The following RXFP1 variants were observed in gnomAD, a reference collection of about 807,000 sequenced individuals.
The protein encoded by RXFP1 is relaxin receptor 1.
Under a neutral mutation model 89.8 loss-of-function variants are expected in RXFP1, and 73 were observed. That is an observed-to-expected ratio of 0.81 (90% CI 0.67 to 0.99). The LOEUF (loss-of-function observed/expected upper bound fraction) is 0.99. RXFP1 is among the 50% of genes least tolerant of loss of function. The probability of loss-of-function intolerance (pLI) is 0.00; values close to 1 mark genes in which losing one functional copy is unlikely to be tolerated. For synonymous variants in RXFP1, 277 were observed against 305.5 expected, an observed-to-expected ratio of 0.91 and a Z score of 0.97; for missense variants, 793 against 895.5, an observed-to-expected ratio of 0.89 and a Z score of 1.46.
chr4:158,597,358 A>G (rs1231625750), intron 3 of RXFP1, among the ~76,000 whole-genome samples: 1 of 152,202 alleles, frequency 6.6e-6, no homozygotes, highest in Non-Finnish European at 1.5e-5. Flanking sequence ...AGGATTTGAA[A>G]AGTACAGAGA....
At chr4:158,524,891 AAGG>A (rs1461150832) in intron 1 of RXFP1, among the ~76,000 whole-genome samples, 1 of 152,188 alleles carries the variant, frequency 6.6e-6, no homozygotes. Flanking sequence ...TAGGAAATAG[AAGG>A]AGTTCAAACA....
At position 158,652,950 on chromosome 4, in the gene RXFP1, C is replaced by T. The variant is rs1405607540; in HGVS notation, c.*895C>T. 6.6e-6 allele frequency: 1 copy of T among 152,150 alleles called. No homozygotes were observed. Among genetic ancestry groups the T allele is most frequent in the Non-Finnish European group, 1.5e-5 (1 of 68,044 alleles). 9.4% of individuals were successfully genotyped at this position (152,150 alleles called of 1,614,324 possible). On this transcript the variant is annotated 3_prime_UTR_variant, in exon 18 of 18. Coordinates refer to ENST00000307765, the MANE Select transcript of RXFP1 (RefSeq NM_021634.4). ...AGACCTAAGTGGTTTAATTCACCCA[C>T]TTTAGATGGGTGAATGTTATGGTGT...
In RXFP1 at chr4:158,609,693, A is replaced by G. The variant is rs149629376; in HGVS notation, c.536+1650A>G. Reference sequence around the variant, plus strand: ...AGACTGCAGGAGACTCGAAGCCTTAACAGTAACCACTTTAGCCATGTCCTC... The same window carrying G: ...AGACTGCAGGAGACTCGAAGCCTTAGCAGTAACCACTTTAGCCATGTCCTC... On this transcript the variant is annotated intron_variant, in intron 6 of 17. Coordinates refer to ENST00000307765, the MANE Select transcript of RXFP1 (RefSeq NM_021634.4). 1.3e-4 allele frequency among the ~76,000 whole-genome samples: 20 copies of G among 152,282 alleles called. No individual in the cohort carries two copies. In the South Asian group the frequency reaches 1.7e-3, roughly 13 times the overall value.
intron 1 of RXFP1, among the ~76,000 whole-genome samples, chr4:158,531,030 C>G (rs544218773): frequency 1.3e-5 from 2 of 152,210 alleles, no homozygotes; most frequent in Admixed American, 1.3e-4. Context: ...TTCTTCAATC[C>G]CCTAGAGGCT....
chr4:158,554,391 T>C (rs1376221879), intron 1 of RXFP1, among the ~76,000 whole-genome samples: 1 of 152,180 alleles, frequency 6.6e-6, no homozygotes, highest in African/African-American at 2.4e-5. Flanking sequence ...TTGGTCCAAA[T>C]TCCCAAAGAC....
chr4:158,580,964 AT>A (rs1757238060), intron 2 of RXFP1, among the ~76,000 whole-genome samples: 1 of 152,012 alleles, frequency 6.6e-6, no homozygotes, highest in Admixed American at 6.6e-5. Context: ...CACCTGGCTA[AT>A]TTTTAATAGA....
chr4:158,558,707 A>C (rs568702337), intron 1 of RXFP1, among the ~76,000 whole-genome samples: 6 of 152,358 alleles, frequency 3.9e-5, no homozygotes, highest in Non-Finnish European at 8.8e-5. Flanking sequence ...TGAAGGCCTG[A>C]GAAATCCTGA....
At chr4:158,630,969 C>T (rs545705453) in intron 11 of RXFP1, among the ~76,000 whole-genome samples, 1 of 152,270 alleles carries the variant, frequency 6.6e-6, no homozygotes, top group East Asian at 1.9e-4. Flanking sequence ...TTAATTTGAG[C>T]TTTTAAAGTC....
intron 1 of RXFP1, among the ~76,000 whole-genome samples, chr4:158,523,683 C>T (rs1741737890): frequency 6.6e-6 from 1 of 152,142 alleles, no homozygotes; most frequent in African/African-American, 2.4e-5. Context: ...TTCCTCGCTA[C>T]ATGGTATTAA....
chr4:158,557,321 GT>G (rs776794300), intron 1 of RXFP1, among the ~76,000 whole-genome samples: 3 of 152,094 alleles, frequency 2.0e-5, no homozygotes, highest in East Asian at 1.9e-4. Flanking sequence ...AATAATTTAG[GT>G]TTGTATGTGT....
chr4:158,646,334 G>T (rs959208398), intron 15 of RXFP1: 1 of 480,174 alleles, frequency 2.1e-6, no homozygotes, highest in African/African-American at 2.0e-5. Flanking sequence ...TCTATCATAG[G>T]AACTTGTGAA....
chr4:158,620,283 C>A (rs1201897136), intron 9 of RXFP1, among the ~76,000 whole-genome samples: 1 of 151,712 alleles, frequency 6.6e-6, no homozygotes, highest in Non-Finnish European at 1.5e-5. Context: ...GAAAAAGAGA[C>A]AAAAATAAAG....
chr4:158,593,086 CA>C (rs757557258), intron 2 of RXFP1, among the ~76,000 whole-genome samples: 1,000 of 94,766 alleles, frequency 0.011, 4 homozygotes, highest in Non-Finnish European at 0.016. Flanking sequence ...GACTCTGTCT[CA>C]AAAAAAAAAA....
intron 2 of RXFP1, among the ~76,000 whole-genome samples, chr4:158,584,256 A>T (rs1346292783): frequency 6.6e-6 from 1 of 152,042 alleles, no homozygotes; most frequent in Non-Finnish European, 1.5e-5. Flanking sequence ...AACATGGTGA[A>T]ACCCCGTCTC....
rs1427537891 is a variant in RXFP1, at chr4:158,572,839, AG to A, written c.187+5del. 5.0e-6 allele frequency: 8 copies of A among 1,613,876 alleles called. No homozygotes were observed. Among genetic ancestry groups the A allele is most frequent in the Non-Finnish European group, 5.9e-6 (7 of 1,179,918 alleles). On this transcript the variant is annotated splice_donor_5th_base_variant and intron_variant, in intron 2 of 17. Coordinates refer to ENST00000307765, the MANE Select transcript of RXFP1 (RefSeq NM_021634.4). Reference sequence around the variant, plus strand: ...CAGGCCGATGAGGACAACTGTGGTGAGTGAAGCCCCTGCAGTCACGGTGAGA... The same window carrying A: ...CAGGCCGATGAGGACAACTGTGGTGATGAAGCCCCTGCAGTCACGGTGAGA...
chr4:158,618,796 T>C (rs933125399), intron 9 of RXFP1, among the ~76,000 whole-genome samples: 3 of 152,054 alleles, frequency 2.0e-5, no homozygotes, highest in African/African-American at 7.2e-5. Context: ...CTGAAACCTA[T>C]ATTAGTTCTT....
chr4:158,547,234 T>C (rs1034433723), intron 1 of RXFP1, among the ~76,000 whole-genome samples: 3 of 152,142 alleles, frequency 2.0e-5, no homozygotes, highest in Non-Finnish European at 2.9e-5. Context: ...AGTTTATTTG[T>C]GTAGAGGTGT....
chr4:158,522,246 G>A (rs532672074), intron 1 of RXFP1, among the ~76,000 whole-genome samples: 1 of 152,242 alleles, frequency 6.6e-6, no homozygotes, highest in African/African-American at 2.4e-5. Flanking sequence ...CTGATGTGCC[G>A]TGTAAACCTA....
chr4:158,585,427 C>G (rs1758101899), intron 2 of RXFP1, among the ~76,000 whole-genome samples: 1 of 152,180 alleles, frequency 6.6e-6, no homozygotes, highest in Non-Finnish European at 1.5e-5. Flanking sequence ...AAATCTCATC[C>G]TTTGTCCTCA....
Sources: gnomAD v4.1 joint callset for allele counts (sites outside exome capture counted in the v4.1 genomes callset) on GRCh38, gnomAD v4.1.1 for gene constraint, MANE v1.5 for transcripts, NCBI Gene and HGNC (gene_info 2026-07-23, HGNC 2026-07-21) for gene names.